Variants in MGAT4D observed in about 807,000 individuals in gnomAD.
MGAT4D encodes MGAT4 family member D.
A neutral mutation model predicts 15.9 loss-of-function variants in MGAT4D; 34 were observed. That is an observed-to-expected ratio of 2.14 (90% CI 1.62 to 2.84). MGAT4D has a LOEUF of 2.84. Ranked by LOEUF, MGAT4D falls within the 30% of genes most tolerant of loss-of-function variation. The probability of loss-of-function intolerance (pLI) is 0.00; values close to 1 mark genes in which losing one functional copy is unlikely to be tolerated. For synonymous variants in MGAT4D, 112 were observed against 48.2 expected (o/e 2.33, Z -5.49); for missense variants, 327 against 140.2 (o/e 2.33, Z -6.73).
At chr4:140,466,098 G>A (rs538240443) in intron 5 of MGAT4D, among the ~76,000 whole-genome samples, 2 of 152,246 alleles carry the variant, frequency 1.3e-5, no homozygotes, top group South Asian at 2.1e-4. Flanking sequence ...CCAGTGATAA[G>A]CCTACATGAT....
intron 9 of MGAT4D, among the ~76,000 whole-genome samples, chr4:140,453,544 T>TG (rs1730605072): frequency 6.6e-6 from 1 of 152,132 alleles, no homozygotes; most frequent in Non-Finnish European, 1.5e-5. Context: ...GTTGGTGAGA[T>TG]GGTTTGTCTC....
In MGAT4D at chr4:140,498,290, G is replaced by T; in HGVS notation, c.-68C>A. 1.5e-6 allele frequency: 1 copy of T among 686,280 alleles called. No homozygotes were observed. Among genetic ancestry groups the T allele is most frequent in the Non-Finnish European group, 2.7e-6 (1 of 376,388 alleles). 42.5% of individuals were successfully genotyped at this position (686,280 alleles called of 1,614,324 possible). A position where few individuals can be genotyped will look rare whatever the true frequency, so the allele number is the denominator to read the frequency against. ...GATAATGCCAGGGACGGGGTTGAGCGCGCAGAGCCCCCTCCCCGCGGTGCC... is the reference window on the plus strand; with the variant it reads ...GATAATGCCAGGGACGGGGTTGAGCTCGCAGAGCCCCCTCCCCGCGGTGCC... On this transcript the variant is annotated 5_prime_UTR_variant, in exon 1 of 11. Transcript: ENST00000511113.
At chr4:140,467,021 T>G (rs1712732493) in intron 5 of MGAT4D, among the ~76,000 whole-genome samples, 1 of 152,088 alleles carries the variant, frequency 6.6e-6, no homozygotes, top group African/African-American at 2.4e-5. Context: ...AATAGTAACT[T>G]AAAAACTTGG....
intron 5 of MGAT4D, among the ~76,000 whole-genome samples, chr4:140,468,169 CA>C (rs1416487409): frequency 6.6e-6 from 1 of 151,820 alleles, no homozygotes; most frequent in African/African-American, 2.4e-5. Context: ...TCTACTTTCA[CA>C]AAAAATAATT....
intron 1 of MGAT4D, among the ~76,000 whole-genome samples, chr4:140,495,708 A>C (rs1198360169): frequency 6.6e-6 from 1 of 152,060 alleles, no homozygotes; most frequent in Non-Finnish European, 1.5e-5. Context: ...CTATCCATAA[A>C]ATTTTGTTAA....
At chr4:140,461,754 T>G in intron 7 of MGAT4D, among the ~76,000 whole-genome samples, 175 bp downstream of exon 7, 1 of 151,990 alleles carries the variant, frequency 6.6e-6, no homozygotes, top group African/African-American at 2.4e-5. Flanking sequence ...ATACAGTGAG[T>G]ATTTTCTATT....
chr4:140,447,166 G>A (rs559873211), intron 10 of MGAT4D, among the ~76,000 whole-genome samples: 3 of 152,036 alleles, frequency 2.0e-5, no homozygotes, highest in Non-Finnish European at 4.4e-5. Flanking sequence ...ATGTGGTTAT[G>A]AGAAGAATGT....
At chr4:140,483,848 T>TA (rs146390468) in intron 1 of MGAT4D, among the ~76,000 whole-genome samples, 24,488 of 152,120 alleles carry the variant, frequency 0.16, 2,323 homozygotes, top group East Asian at 0.41. Context: ...TCAACTCGCA[T>TA]AAAAAATCAA....
At chr4:140,492,366 G>A (rs927547020) in intron 1 of MGAT4D, among the ~76,000 whole-genome samples, 3 of 152,152 alleles carry the variant, frequency 2.0e-5, no homozygotes, top group Non-Finnish European at 4.4e-5. Context: ...GGAGCCCTTC[G>A]TGAATTTCTG....
At chr4:140,451,341 TTTTCTA>T in intron 10 of MGAT4D, 63 bp downstream of exon 10, 2 of 471,078 alleles carry the variant, frequency 4.2e-6, no homozygotes, top group Admixed American at 7.1e-5. Context: ...TCACCACTTC[TTTTCTA>T]AATAGTATTT....
At chr4:140,471,227 T>TTTGTTTCCTTCC (rs1553953654) in intron 5 of MGAT4D, among the ~76,000 whole-genome samples, 2 of 133,790 alleles carry the variant, frequency 1.5e-5, no homozygotes, top group African/African-American at 5.5e-5. Context: ...CTCCTTTTTG[T>TTTGTTTCCTTCC]TTCCTTCCTT....
intron 6 of MGAT4D, 139 bp downstream of exon 6, chr4:140,464,757 C>T (rs916170969): frequency 1.7e-6 from 1 of 597,242 alleles, no homozygotes; most frequent in African/African-American, 1.8e-5. Flanking sequence ...AAGTGATGCA[C>T]ATAGTTGGGT....
chr4:140,475,766 G>A (rs1018898439), intron 3 of MGAT4D, among the ~76,000 whole-genome samples: 3 of 147,624 alleles, frequency 2.0e-5, no homozygotes, highest in Non-Finnish European at 4.5e-5. Context: ...ACAGCTGATT[G>A]CTATTGAGTT....
At chr4:140,476,138 T>A (rs1335352867) in intron 3 of MGAT4D, among the ~76,000 whole-genome samples, 1 of 152,190 alleles carries the variant, frequency 6.6e-6, no homozygotes, top group East Asian at 1.9e-4. Context: ...CTATTCTTTT[T>A]TGTAAAATCC....
chr4:140,475,096 G>A, intron 3 of MGAT4D, 150 bp from the exon 4 acceptor site: 1 of 412,320 alleles, frequency 2.4e-6, no homozygotes, highest in Non-Finnish European at 4.3e-6. Context: ...TCCAAACTAT[G>A]TTAATTTTTA....
rs1730824469 is a variant in MGAT4D at position 140,456,667 on chromosome 4, C to T, written c.930G>A (p.Met310Ile). 1.4e-6 allele frequency: 1 copy of T among 696,352 alleles called. No homozygotes were observed. The highest frequency in any genetic ancestry group is 2.6e-6 in the Non-Finnish European group (1 of 381,798). The allele number at this position is 696,352 out of a possible 1,614,324, so 43.1% of individuals were successfully genotyped here. The change falls in exon 9 of 11, where the codon ATG (methionine) becomes ATA (isoleucine). Residue 310 changes from methionine (M) to isoleucine (I), a missense_variant. Physicochemically the swap from Met to Ile is conservative, Grantham distance 10. Coordinates refer to ENST00000511113, the MANE Select transcript of MGAT4D (RefSeq NM_001277353.2). Reference sequence around the variant, plus strand: ...AGTCTATGGGTTTCTCTTTGTAGAACATTAAAAAAAACCGTACAAAGTGAG... The same window carrying T: ...AGTCTATGGGTTTCTCTTTGTAGAATATTAAAAAAAACCGTACAAAGTGAG... ...DLTHFVRFFL[M>I]FYKEKPIDWL...
chr4:140,474,929 T>C lies in MGAT4D; in HGVS notation c.409A>G (p.Ile137Val). ...TAATTTCCTCTGTTAACAGTGGAAA[T>C]ACCCAGCGCAAAAGAAACTGTGGAC... Reference protein sequence around the residue: ...GKTGVSFALGISTVNRGNYSY... With the variant: ...GKTGVSFALGVSTVNRGNYSY... Residue 137 changes from isoleucine to valine, a missense_variant, in exon 4 of 11, where the codon ATT becomes GTT. Coordinates refer to ENST00000511113, the MANE Select transcript of MGAT4D (RefSeq NM_001277353.2). 1.5e-6 allele frequency: 1 copy of C among 689,490 alleles called. No individual in the cohort carries two copies. Among genetic ancestry groups the C allele is most frequent in the Non-Finnish European group, 2.6e-6 (1 of 380,216 alleles). 42.7% of individuals were successfully genotyped at this position (689,490 alleles called of 1,614,324 possible).
intron 1 of MGAT4D, among the ~76,000 whole-genome samples, chr4:140,485,170 G>T (rs1436681221): frequency 1.3e-5 from 2 of 152,178 alleles, no homozygotes; most frequent in Non-Finnish European, 2.9e-5. Context: ...AACAATGATA[G>T]ACTAGATTAA....
intron 3 of MGAT4D, 74 bp downstream of exon 3, chr4:140,479,416 A>G (rs12502712): frequency 0.23 from 89,431 of 383,810 alleles, 11,686 homozygotes; most frequent in East Asian, 0.44. Context: ...AATGGATTAC[A>G]TCTTAAAACT....
Sources: gnomAD v4.1 joint callset for allele counts (sites outside exome capture counted in the v4.1 genomes callset) on GRCh38, gnomAD v4.1.1 for gene constraint, MANE v1.5 for transcripts, NCBI Gene and HGNC (gene_info 2026-07-23, HGNC 2026-07-21) for gene names.